The following NDST3 variants were observed in gnomAD, a reference collection of about 807,000 sequenced individuals.
NDST3 encodes the protein bifunctional heparan sulfate N-deacetylase/N-sulfotransferase 3.
Under a neutral mutation model 96.1 loss-of-function variants are expected in NDST3, and 58 were observed. That is an observed-to-expected ratio of 0.60 (90% CI 0.49 to 0.75). NDST3 has a LOEUF of 0.75. NDST3 is among the 30% of genes least tolerant of loss of function. The pLI, the probability that NDST3 is intolerant of heterozygous loss-of-function variation, is 0.00. For missense variants in NDST3, 788 were observed against 1,034.2 expected (o/e 0.76, Z 3.27); for synonymous variants, 333 against 359.7 (o/e 0.93, Z 0.84).
chr4:118,095,499 T>C (rs1432331283), intron 2 of NDST3, among the ~76,000 whole-genome samples: 1 of 151,614 alleles, frequency 6.6e-6, no homozygotes, highest in Admixed American at 6.6e-5. Flanking sequence ...GATACCATAT[T>C]AATAAAATTC....
rs1725284799 is a variant in NDST3, at chr4:118,054,526, A to G, written c.616A>G (p.Lys206Glu). The G allele has an allele frequency of 6.2e-7, 1 of 1,613,298 alleles. No homozygotes were observed. Among genetic ancestry groups the G allele is most frequent in the Middle Eastern group, 1.7e-4 (1 of 6,058 alleles). ...TCATTCTCCATTGATTCGTGTGACC[A>G]AATCTTCCAAGCTTGAAAAAGGTTC... ...NPHSPLIRVT[K>E]SSKLEKGSLP... Residue 206 changes from lysine to glutamate, a missense_variant, in exon 2 of 14, where the codon AAA becomes GAA. Lys to Glu is a moderately conservative substitution (Grantham distance 56, BLOSUM62 1). This residue lies in a region of NDST3 where 234 missense variants were observed against 256.9 expected (regional missense o/e 0.91). Coordinates refer to ENST00000296499, the MANE Select transcript of NDST3 (RefSeq NM_004784.3).
chr4:118,200,416 C>T (rs192255987), intron 6 of NDST3, among the ~76,000 whole-genome samples: 2 of 152,264 alleles, frequency 1.3e-5, no homozygotes, highest in African/African-American at 4.8e-5. Flanking sequence ...GTGTTGAATG[C>T]TGCCTGGCCT....
At chr4:118,079,943 T>C (rs749423778) in intron 2 of NDST3, among the ~76,000 whole-genome samples, 1 of 152,094 alleles carries the variant, frequency 6.6e-6, no homozygotes, top group Non-Finnish European at 1.5e-5. Flanking sequence ...TCCTAGGATT[T>C]TGGCCTGACA....
chr4:118,171,485 T>G (rs982083665), intron 6 of NDST3, among the ~76,000 whole-genome samples: 1 of 152,048 alleles, frequency 6.6e-6, no homozygotes, highest in Non-Finnish European at 1.5e-5. Flanking sequence ...GATTTTACTT[T>G]GCAGAGTTTA....
intron 1 of NDST3, among the ~76,000 whole-genome samples, chr4:118,036,597 G>C (rs2110417260): frequency 6.6e-6 from 1 of 152,264 alleles, no homozygotes; most frequent in South Asian, 2.1e-4. Flanking sequence ...TAATTAGTCT[G>C]AACAATCCTC....
chr4:118,240,792 G>T, intron 11 of NDST3, 98 bp downstream of exon 11: 1 of 1,159,690 alleles, frequency 8.6e-7, no homozygotes, highest in Non-Finnish European at 1.2e-6. Flanking sequence ...ACTATTACTA[G>T]TTTTTCCTCT....
chr4:118,232,497 C>T (rs187466227), intron 8 of NDST3, among the ~76,000 whole-genome samples: 296 of 151,618 alleles, frequency 2.0e-3, no homozygotes, highest in African/African-American at 6.8e-3. Context: ...AAAATTAGCC[C>T]GGCACAGTGG....
At chr4:118,242,184 C>A in intron 12 of NDST3, 35 bp downstream of exon 12, 1 of 1,402,282 alleles carries the variant, frequency 7.1e-7, no homozygotes, top group Non-Finnish European at 1.0e-6. Context: ...ATTGACATTT[C>A]AGCAGAGAAT....
intron 2 of NDST3, among the ~76,000 whole-genome samples, chr4:118,097,239 A>G (rs144328343): frequency 6.6e-6 from 1 of 152,000 alleles, no homozygotes; most frequent in East Asian, 1.9e-4. Context: ...TTAGGACCTC[A>G]ACTGAATTCA....
rs201466048 is a variant in NDST3, at chr4:118,114,925, G to C, written c.1189G>C (p.Val397Leu). The change falls in exon 4 of 14, where the codon GTG becomes CTG. Residue 397 changes from valine to leucine, a missense_variant. Val to Leu is a conservative substitution (Grantham distance 32). This residue lies in a region of NDST3 where 490 missense variants were observed against 708.8 expected (regional missense o/e 0.69). Transcript: ENST00000296499. ...CCTCTTCCACAATGAGTCATCTTTG[G>C]TGGAGCAGATGATTCTCAACAAAAA... ...PHLFHNESSL[V>L]EQMILNKKFA... The C allele has an allele frequency of 6.2e-7, 1 of 1,614,116 alleles. No individual in the cohort carries two copies. Among genetic ancestry groups the C allele is most frequent in the East Asian group, 2.2e-5 (1 of 44,874 alleles).
chr4:118,112,849 C>T (rs2125862209), intron 3 of NDST3, among the ~76,000 whole-genome samples: 1 of 152,272 alleles, frequency 6.6e-6, no homozygotes. Flanking sequence ...AAGATAACCA[C>T]TCAGAAGCGC....
At chr4:118,122,978 T>C (rs1272939364) in intron 4 of NDST3, among the ~76,000 whole-genome samples, 2 of 152,300 alleles carry the variant, frequency 1.3e-5, no homozygotes, top group East Asian at 3.9e-4. Flanking sequence ...CAACCATGGT[T>C]TGTAAAATTA....
intron 6 of NDST3, among the ~76,000 whole-genome samples, chr4:118,143,962 A>G (rs930558623): frequency 6.6e-6 from 1 of 151,930 alleles, no homozygotes; most frequent in Non-Finnish European, 1.5e-5. Context: ...TGGGGAATAA[A>G]ATTTTTCACC....
At chr4:118,102,892 A>G (rs1035539847) in intron 2 of NDST3, among the ~76,000 whole-genome samples, 37 of 152,098 alleles carry the variant, frequency 2.4e-4, no homozygotes, top group Non-Finnish European at 4.3e-4. Context: ...ATCTGTTTCA[A>G]TGTATCTTTT....
intron 12 of NDST3, among the ~76,000 whole-genome samples, chr4:118,250,060 T>C (rs867510794): frequency 3.3e-4 from 50 of 152,356 alleles, no homozygotes; most frequent in South Asian, 4.1e-4. Flanking sequence ...TATTGTTATA[T>C]ATTACTCCAT....
chr4:118,069,684 C>A (rs571452545), intron 2 of NDST3, among the ~76,000 whole-genome samples: 90 of 152,022 alleles, frequency 5.9e-4, no homozygotes, highest in African/African-American at 1.7e-3. Context: ...TTATTTCATT[C>A]ATTTTTTAAT....
chr4:118,118,654 G>T (rs1216409000), intron 4 of NDST3, among the ~76,000 whole-genome samples: 1 of 152,082 alleles, frequency 6.6e-6, no homozygotes, highest in African/African-American at 2.4e-5. Flanking sequence ...ACACCCATCA[G>T]GAAATGCAGC....
chr4:118,199,840 G>A (rs1473706866), intron 6 of NDST3, among the ~76,000 whole-genome samples: 1 of 152,092 alleles, frequency 6.6e-6, no homozygotes, highest in Non-Finnish European at 1.5e-5. Context: ...TCTTGGACAA[G>A]ATCCAGAAGA....
At chr4:118,061,722 C>T (rs764791154) in intron 2 of NDST3, among the ~76,000 whole-genome samples, 6 of 152,084 alleles carry the variant, frequency 3.9e-5, no homozygotes, top group Non-Finnish European at 8.8e-5. Flanking sequence ...AGAAATGTGC[C>T]TGGCTCAGTA....
Sources: allele counts gnomAD v4.1 joint callset (sites outside exome capture counted in the v4.1 genomes callset), GRCh38; gene constraint gnomAD v4.1.1; regional missense constraint gnomAD v4.1.1; transcripts MANE v1.5; gene names NCBI Gene and HGNC (gene_info 2026-07-23, HGNC 2026-07-21).